The following CBFA2T3 variants were observed in gnomAD, a reference collection of about 807,000 sequenced individuals.
CBFA2T3 encodes CBFA2/RUNX1 partner transcriptional co-repressor 3.
Under a neutral mutation model 58.6 loss-of-function variants are expected in CBFA2T3, and 31 were observed. That is an observed-to-expected ratio of 0.53 (90% CI 0.40 to 0.71). CBFA2T3 has a LOEUF of 0.71. Among genes scored for constraint, CBFA2T3 ranks in the 30% least tolerant of loss-of-function variants. The pLI, the probability that CBFA2T3 is intolerant of heterozygous loss-of-function variation, is 0.00. For synonymous variants in CBFA2T3, 531 were observed against 421.9 expected (o/e 1.26, Z -3.17); for missense variants, 1,076 against 963.1 (o/e 1.12, Z -1.55).
Position 88,909,925 on chromosome 16 carries a change from A to C in CBFA2T3, c.152-8269T>G, listed in dbSNP as rs532056258. Among the ~76,000 whole-genome samples the C allele has an allele frequency of 4.1e-3, 628 of 152,312 alleles. 2 individuals carry two copies. The highest frequency in any genetic ancestry group is 0.014 in the African/African-American group (600 of 41,564). ...GGCCAAGGTAAACCCGTACACTTGG[A>C]TTTCTGGGGAACCAGAGGGACGAGC... is the stretch of plus-strand genomic sequence containing the variant. On this transcript the variant is annotated intron_variant, in intron 1 of 11. Transcript: ENST00000268679.
At position 88,919,539 on chromosome 16, in the gene CBFA2T3, G is replaced by C. The variant is rs536249339; in HGVS notation, c.152-17883C>G. Among the ~76,000 whole-genome samples the C allele has an allele frequency of 3.7e-3, 563 of 152,288 alleles. 1 individual carries two copies. Among genetic ancestry groups the C allele is most frequent in the African/African-American group, 0.013 (539 of 41,558 alleles). On this transcript the variant is annotated intron_variant, in intron 1 of 11. Transcript: ENST00000268679. ...CCGCCCGGTATTCACTCAGCCTTAC[G>C]GGTAAGAAGCTCAGTGCCCATGGCC...
chr16:88,929,023 C>A (rs1337504349), intron 1 of CBFA2T3, among the ~76,000 whole-genome samples: 1 of 152,174 alleles, frequency 6.6e-6, no homozygotes, highest in African/African-American at 2.4e-5. Flanking sequence ...ACCTCGGCTC[C>A]GTTCCTGGAG....
At chr16:88,917,071 CAA>C (rs781169197) in intron 1 of CBFA2T3, among the ~76,000 whole-genome samples, 28 of 81,078 alleles carry the variant, frequency 3.5e-4, no homozygotes, top group Admixed American at 4.3e-4. Flanking sequence ...GACTCTGTCT[CAA>C]AAAAAAAAAA....
At chr16:88,900,275 C>T (rs939694329) in intron 2 of CBFA2T3, among the ~76,000 whole-genome samples, 2 of 152,266 alleles carry the variant, frequency 1.3e-5, no homozygotes, top group African/African-American at 2.4e-5. Flanking sequence ...ATTGCTGGGC[C>T]ACCCCATTCC....
At chr16:88,882,264 G>T (rs1245690090) in intron 8 of CBFA2T3, among the ~76,000 whole-genome samples, 1 of 152,250 alleles carries the variant, frequency 6.6e-6, no homozygotes, top group East Asian at 1.9e-4. Context: ...GCAGAGCCAT[G>T]GCCGTGTTTA....
rs12596118 is a variant in CBFA2T3 at position 88,922,357 on chromosome 16, G to A, written c.152-20701C>T. Among the ~76,000 whole-genome samples, 354 of 152,364 alleles carry A rather than the reference G, an allele frequency of 2.3e-3. 15 individuals are homozygous for A. The East Asian group carries it at 0.062, about 27-fold the overall frequency. ...CAGCAGGGCCTAGGATCCTCCCCGGGAAGACTGCTGCTGCCTTAGCAGGAT... is the reference window on the plus strand; with the variant it reads ...CAGCAGGGCCTAGGATCCTCCCCGGAAAGACTGCTGCTGCCTTAGCAGGAT... On this transcript the variant is annotated intron_variant, in intron 1 of 11. Transcript: ENST00000268679.
chr16:88,954,493 C>CA (rs1972164889), intron 1 of CBFA2T3, among the ~76,000 whole-genome samples: 1 of 137,566 alleles, frequency 7.3e-6, no homozygotes, highest in African/African-American at 3.1e-5. Context: ...CTCCTGACCC[C>CA]GCCCAAGGCT....
chr16:88,910,448 A>G (rs1280306412), intron 1 of CBFA2T3, among the ~76,000 whole-genome samples: 5 of 152,210 alleles, frequency 3.3e-5, no homozygotes, highest in African/African-American at 1.2e-4. Flanking sequence ...CACTGCAGGC[A>G]TTCAGCAAAC....
At chr16:88,914,193 C>T (rs1157529359) in intron 1 of CBFA2T3, among the ~76,000 whole-genome samples, 5 of 152,210 alleles carry the variant, frequency 3.3e-5, no homozygotes, top group African/African-American at 9.6e-5. Flanking sequence ...GCATGGGATG[C>T]GAGAGTCCGT....
intron 11 of CBFA2T3, 149 bp from the exon 12 acceptor site, chr16:88,877,424 C>CA: frequency 1.5e-6 from 1 of 659,136 alleles, no homozygotes; most frequent in Non-Finnish European, 2.5e-6. Flanking sequence ...GGCCATGCTC[C>CA]AGATACAGCC....
chr16:88,961,560 C>G (rs1210253832), intron 1 of CBFA2T3, among the ~76,000 whole-genome samples: 6 of 131,322 alleles, frequency 4.6e-5, no homozygotes, highest in East Asian at 2.2e-4. Flanking sequence ...CATTCCCACT[C>G]CATAGTAACC....
chr16:88,974,795 C>T (rs1972755213), intron 1 of CBFA2T3, among the ~76,000 whole-genome samples: 1 of 152,122 alleles, frequency 6.6e-6, no homozygotes, highest in Non-Finnish European at 1.5e-5. Context: ...CTCCTCCAGC[C>T]AGGCGAGGCT....
intron 4 of CBFA2T3, 46 bp from the exon 5 acceptor site, chr16:88,892,017 G>A (rs1969651698): frequency 6.5e-7 from 1 of 1,529,250 alleles, no homozygotes. Flanking sequence ...CTCGGCATGT[G>A]AGCCAGCGCC....
At chr16:88,892,855 G>A (rs1357560627) in intron 3 of CBFA2T3, among the ~76,000 whole-genome samples, 1 of 152,226 alleles carries the variant, frequency 6.6e-6, no homozygotes, top group African/African-American at 2.4e-5. Context: ...CGTTCTGAGT[G>A]TGGCTTCTCC....
At chr16:88,969,175 G>A (rs1972586762) in intron 1 of CBFA2T3, among the ~76,000 whole-genome samples, 1 of 152,228 alleles carries the variant, frequency 6.6e-6, no homozygotes, top group African/African-American at 2.4e-5. Context: ...CTGGAGTGAG[G>A]GGCTGCAGCG....
chr16:88,924,229 C>G (rs963789123), intron 1 of CBFA2T3, among the ~76,000 whole-genome samples: 1 of 152,144 alleles, frequency 6.6e-6, no homozygotes, highest in African/African-American at 2.4e-5. Flanking sequence ...GAAGATCTGC[C>G]CTCTCTGGGC....
rs1436691969 is a variant in CBFA2T3, at chr16:88,894,471, T to C, written c.380-1986A>G. On this transcript the variant is annotated intron_variant, in intron 3 of 11. Coordinates refer to ENST00000268679, the MANE Select transcript of CBFA2T3 (RefSeq NM_005187.6). ...ACATGCACGCACACATGCATACATA[T>C]ACACATGCACACAATGTACACACAT... Among the ~76,000 whole-genome samples the C allele has an allele frequency of 3.3e-5, 4 of 119,986 alleles. 1 individual carries two copies. Among genetic ancestry groups the C allele is most frequent in the East Asian group, 6.7e-4 (2 of 2,994 alleles). 78.7% of individuals were successfully genotyped at this position (119,986 alleles called of 152,430 possible).
At chr16:88,892,768 G>A (rs952941434) in intron 3 of CBFA2T3, among the ~76,000 whole-genome samples, 1 of 152,184 alleles carries the variant, frequency 6.6e-6, no homozygotes. Flanking sequence ...CCAGGGAGGT[G>A]AAGCCTCTTT....
chr16:88,923,837 G>A (rs1235810382), intron 1 of CBFA2T3, among the ~76,000 whole-genome samples: 1 of 152,216 alleles, frequency 6.6e-6, no homozygotes, highest in Non-Finnish European at 1.5e-5. Flanking sequence ...ACCCACCCCC[G>A]AGGACCGTCC....
Sources: allele counts gnomAD v4.1 joint callset (sites outside exome capture counted in the v4.1 genomes callset), GRCh38; gene constraint gnomAD v4.1.1; transcripts MANE v1.5; gene names NCBI Gene and HGNC (gene_info 2026-07-23, HGNC 2026-07-21).